GLIS3: variants seen among roughly 807,000 people sequenced by gnomAD.
GLIS3 encodes GLIS family zinc finger 3, also known as zinc finger protein GLIS3.
A neutral mutation model predicts 78.6 loss-of-function variants in GLIS3; 53 were observed. The ratio of observed to expected loss-of-function variants is 0.67; its 90% CI spans 0.54 to 0.85. The LOEUF (loss-of-function observed/expected upper bound fraction) is 0.85, where lower values mean the gene tolerates loss of function less well. Ranked by LOEUF, GLIS3 falls within the 40% of genes least tolerant of loss-of-function variation. GLIS3 has a pLI of 0.00. For missense variants in GLIS3, 1,703 were observed against 1,231.1 expected, an observed-to-expected ratio of 1.38 and a Z score of -5.74; for synonymous variants, 684 against 509.9, an observed-to-expected ratio of 1.34 and a Z score of -4.60.
At chr9:4,460,883 T>A in the GLIS3 span, among the ~76,000 whole-genome samples, 680 of 152,316 alleles carry the variant, frequency 4.5e-3, 5 homozygotes, top group African/African-American at 0.016. Flanking sequence ...GCCCAATTAC[T>A]CCTTGGCTGT....
the GLIS3 span, among the ~76,000 whole-genome samples, chr9:4,448,568 T>A: frequency 6.6e-6 from 1 of 152,248 alleles, no homozygotes; most frequent in Non-Finnish European, 1.5e-5. Flanking sequence ...TACAGATATT[T>A]CCAGCTTCTT....
At chr9:4,138,374 A>G (rs939521432) in intron 2 of GLIS3, among the ~76,000 whole-genome samples, 1 of 152,232 alleles carries the variant, frequency 6.6e-6, no homozygotes. Context: ...GAGAGTGTTA[A>G]CTAACACAGG....
In GLIS3 at chr9:4,106,906, A is replaced by G. The variant is rs577537007; in HGVS notation, c.1710+10862T>C. On this transcript the variant is annotated intron_variant, in intron 4 of 10. Coordinates refer to ENST00000381971, the MANE Select transcript of GLIS3 (RefSeq NM_001042413.2). ...ACGAGCAGCGGGGAATTGTGCCCCA[A>G]GAACATGTAATTTGGACAAGGTGGG... Among the ~76,000 whole-genome samples, 10 of 152,248 alleles carry G rather than the reference A, an allele frequency of 6.6e-5. No individual in the cohort carries two copies. In the East Asian group the frequency reaches 1.9e-3, roughly 29 times the overall value.
At chr9:3,981,226 G>A (rs1819255938) in intron 4 of GLIS3, among the ~76,000 whole-genome samples, 1 of 152,302 alleles carries the variant, frequency 6.6e-6, no homozygotes. Context: ...AAAGGAGACA[G>A]GACTTTAGGT....
At chr9:4,439,381 C>T in the GLIS3 span, among the ~76,000 whole-genome samples, 3 of 152,160 alleles carry the variant, frequency 2.0e-5, no homozygotes, top group East Asian at 5.8e-4. Context: ...CAATAAACTC[C>T]ACAACCATTA....
chr9:4,164,782 A>T (rs1263730864), intron 2 of GLIS3, among the ~76,000 whole-genome samples: 1 of 152,226 alleles, frequency 6.6e-6, no homozygotes, highest in African/African-American at 2.4e-5. Context: ...AAATGAATAG[A>T]TCAGGGAGGA....
At chr9:4,210,043 G>T (rs1243092378) in intron 2 of GLIS3, among the ~76,000 whole-genome samples, 1 of 152,172 alleles carries the variant, frequency 6.6e-6, no homozygotes, top group Non-Finnish European at 1.5e-5. Flanking sequence ...ATTTTGTTCA[G>T]CTTGGTGTCC....
chr9:4,399,447 G>A, the GLIS3 span, among the ~76,000 whole-genome samples: 1 of 152,172 alleles, frequency 6.6e-6, no homozygotes, highest in Non-Finnish European at 1.5e-5. Context: ...TACAGATGAG[G>A]AAACTAAGGC....
intron 4 of GLIS3, among the ~76,000 whole-genome samples, chr9:3,994,225 C>A (rs1318268895): frequency 6.6e-6 from 1 of 152,190 alleles, no homozygotes; most frequent in Non-Finnish European, 1.5e-5. Flanking sequence ...GAAACTGATG[C>A]AGCCGGTAGT....
the GLIS3 span, among the ~76,000 whole-genome samples, chr9:4,428,981 C>T: frequency 7.9e-5 from 12 of 152,224 alleles, no homozygotes; most frequent in South Asian, 1.0e-3. Flanking sequence ...TGTCCATTTC[C>T]AAAACCTCAT....
the GLIS3 span, among the ~76,000 whole-genome samples, chr9:4,425,413 G>C: frequency 1.1e-4 from 17 of 152,144 alleles, no homozygotes; most frequent in African/African-American, 4.1e-4. Context: ...TTTCATCTCT[G>C]GCATATCTGC....
chr9:4,372,229 C>T, the GLIS3 span, among the ~76,000 whole-genome samples: 1 of 152,170 alleles, frequency 6.6e-6, no homozygotes, highest in Admixed American at 6.6e-5. Context: ...GTTGCCAGGA[C>T]CCCGTGCTCA....
At chr9:4,280,441 A>G (rs1335419531) in intron 2 of GLIS3, among the ~76,000 whole-genome samples, 3 of 152,206 alleles carry the variant, frequency 2.0e-5, no homozygotes, top group Non-Finnish European at 4.4e-5. Flanking sequence ...AGGAATTTGG[A>G]GGTCACAATG....
the GLIS3 span, among the ~76,000 whole-genome samples, chr9:4,383,050 A>G: frequency 3.3e-5 from 5 of 152,218 alleles, no homozygotes; most frequent in Non-Finnish European, 5.9e-5. Flanking sequence ...AATAGACAGC[A>G]AAACTTCAGC....
In GLIS3 at chr9:4,154,324, C is replaced by T. The variant is rs12551874; in HGVS notation, c.389-28383G>A. Among the ~76,000 whole-genome samples, 1,208 of 152,204 alleles carry T rather than the reference C, an allele frequency of 7.9e-3. 56 individuals carry two copies. Among genetic ancestry groups the T allele is most frequent in the Admixed American group, 0.069 (1,049 of 15,286 alleles). On this transcript the variant is annotated intron_variant, in intron 2 of 10. Transcript: ENST00000381971. Reference sequence around the variant, plus strand: ...ATAGAATGGGAGCTATGGTTTTAGTCATCATTGGAAAAGACAATCAGCCAT... The same window carrying T: ...ATAGAATGGGAGCTATGGTTTTAGTTATCATTGGAAAAGACAATCAGCCAT...
the GLIS3 span, among the ~76,000 whole-genome samples, chr9:4,446,978 T>C: frequency 6.6e-6 from 1 of 152,140 alleles, no homozygotes; most frequent in Non-Finnish European, 1.5e-5. Context: ...CCGTGATTCT[T>C]ACTCTGCTAC....
At chr9:4,100,971 T>A (rs806030) in intron 4 of GLIS3, among the ~76,000 whole-genome samples, 2 of 152,154 alleles carry the variant, frequency 1.3e-5, no homozygotes, top group African/African-American at 4.8e-5. Flanking sequence ...AGCCCTGGTG[T>A]GAATGGAGGA....
Position 4,286,328 on chromosome 9 carries a change from G to C in GLIS3, c.98C>G (p.Ala33Gly), listed in dbSNP as rs751567499. ...VSGHHIPAIR[A>G]HSGTPGPSPC... is the part of the protein sequence containing the mutation. ...CGAGGGGCCAGGAGTCCCGGAGTGG[G>C]CTCGGATGGCAGGAATGTGATGACC... The change falls in exon 2 of 11, where the codon GCC becomes GGC. Residue 33 changes from alanine to glycine, a missense_variant. Transcript: ENST00000381971. 1.9e-6 allele frequency: 3 copies of C among 1,614,206 alleles called. No individual in the cohort carries two copies. The highest frequency in any genetic ancestry group is 2.5e-6 in the Non-Finnish European group (3 of 1,180,024).
upstream of GLIS3, among the ~76,000 whole-genome samples, chr9:4,351,086 A>T (rs1475656177): frequency 6.6e-6 from 1 of 151,884 alleles, no homozygotes; most frequent in African/African-American, 2.4e-5. Flanking sequence ...TTTCTTTCTG[A>T]TTCTGGCCTG....
Sources: gnomAD v4.1 joint callset for allele counts (sites outside exome capture counted in the v4.1 genomes callset) on GRCh38, gnomAD v4.1.1 for gene constraint, MANE v1.5 for transcripts, NCBI Gene and HGNC (gene_info 2026-07-23, HGNC 2026-07-21) for gene names.